The following RIC1 variants were observed in gnomAD, a reference collection of about 807,000 sequenced individuals.
The protein encoded by RIC1 is RIC1 partner of RAB6A GEF complex, also known as guanine nucleotide exchange factor subunit RIC1.
RIC1 carries 88 observed loss-of-function variants against 169.0 expected under a neutral mutation model. The observed-to-expected ratio is 0.52, with a 90% CI of 0.44 to 0.62. RIC1 has a LOEUF of 0.62. RIC1 is among the 20% of genes least tolerant of loss of function. The pLI is 0.00. For missense variants in RIC1, 1,877 were observed against 1,725.5 expected (o/e 1.09, Z -1.56); for synonymous variants, 790 against 601.5 (o/e 1.31, Z -4.59).
intron 8 of RIC1, among the ~76,000 whole-genome samples, chr9:5,742,429 G>C (rs1479363480): frequency 6.6e-6 from 1 of 152,030 alleles, no homozygotes; most frequent in African/African-American, 2.4e-5. Flanking sequence ...GTCATTTGCT[G>C]TACTTCCAGA....
chr9:5,763,096 G>T lies in RIC1; in HGVS notation c.2113-44G>T, dbSNP rs1164146610. On this transcript the variant is annotated intron_variant, in intron 18 of 25. Transcript: ENST00000414202. The surrounding 1 kb of genome is among the most constrained non-coding windows in gnomAD (Gnocchi z 5.2). The stretch of plus-strand genomic sequence containing the variant: ...GTACCTAGGAACTTAAGAACCTGCA[G>T]ATTTAATAGGAAAACAACTTGATTC... 6.3e-7 allele frequency: 1 copy of T among 1,587,584 alleles called. No individual in the cohort carries two copies. Among genetic ancestry groups the T allele is most frequent in the Non-Finnish European group, 8.6e-7 (1 of 1,166,392 alleles).
Position 5,769,215 on chromosome 9 carries a change from C to T in RIC1, c.3383C>T (p.Ser1128Phe). Residue 1128 changes from serine to phenylalanine, a missense_variant, in exon 22 of 26, where the codon TCT becomes TTT. By Grantham distance (155) the Ser-to-Phe change is radical. This residue lies in a region of RIC1 where 681 missense variants were observed against 582.0 expected (regional missense o/e 1.17). Coordinates refer to ENST00000414202, the MANE Select transcript of RIC1 (RefSeq NM_020829.4). ...TGGCCACTTCCAATCATCCCAGCCT[C>T]TTCTATCAGTTCTCCTTTCAAAAAT... ...FLWPLPIIPA[S>F]SISSPFKNGK... 6.2e-7 allele frequency: 1 copy of T among 1,614,138 alleles called. No homozygotes were observed. Among genetic ancestry groups the T allele is most frequent in the Non-Finnish European group, 8.5e-7 (1 of 1,179,984 alleles).
At chr9:5,632,804 T>C (rs1168876558) in intron 1 of RIC1, among the ~76,000 whole-genome samples, 2 of 152,170 alleles carry the variant, frequency 1.3e-5, no homozygotes, top group African/African-American at 4.8e-5. Context: ...CCCAGAATTA[T>C]TCCTTTAATA....
chr9:5,718,517 G>A (rs1335616646), intron 4 of RIC1, among the ~76,000 whole-genome samples: 2 of 152,140 alleles, frequency 1.3e-5, no homozygotes, highest in African/African-American at 4.8e-5. Flanking sequence ...AAAGAAAGAT[G>A]ACAGCTGCCT....
chr9:5,758,815 G>A (rs892305038), intron 17 of RIC1, among the ~76,000 whole-genome samples: 1 of 147,680 alleles, frequency 6.8e-6, no homozygotes, highest in African/African-American at 2.5e-5. Context: ...TGCAATCTTG[G>A]CTCAGTGCAA....
intron 2 of RIC1, among the ~76,000 whole-genome samples, chr9:5,668,741 A>T (rs528294605): frequency 3.1e-4 from 47 of 152,096 alleles, no homozygotes; most frequent in African/African-American, 1.7e-4. Context: ...TTTAAAAAAA[A>T]TTTTCCCTTT....
At chr9:5,720,520 T>G in intron 5 of RIC1, 94 bp from the exon 6 acceptor site, 1 of 1,302,320 alleles carries the variant, frequency 7.7e-7, no homozygotes, top group East Asian at 2.4e-5. Flanking sequence ...TCATTATTTT[T>G]ACCCTTTTAA....
Position 5,681,348 on chromosome 9 carries a change from TC to T in RIC1, c.253-8610del, listed in dbSNP as rs1820825722. ...ACTGCTTTGAATGTGTCCCAGAGAT[TC>T]TGGTTATGTTGTGTCTTTGTTCTCG... On this transcript the variant is annotated intron_variant, in intron 2 of 25. Transcript: ENST00000414202. Among the ~76,000 whole-genome samples, 4 of 152,180 alleles carry T rather than the reference TC, an allele frequency of 2.6e-5. No homozygotes were observed. The South Asian group carries it at 8.3e-4, about 32-fold the overall frequency.
At chr9:5,646,916 T>G (rs1243288803) in intron 1 of RIC1, among the ~76,000 whole-genome samples, 1 of 152,220 alleles carries the variant, frequency 6.6e-6, no homozygotes, top group African/African-American at 2.4e-5. Flanking sequence ...GGCTTGTGTT[T>G]TCTTCTAAGA....
intron 2 of RIC1, among the ~76,000 whole-genome samples, chr9:5,682,083 G>C (rs927408416): frequency 1.3e-5 from 2 of 152,190 alleles, no homozygotes; most frequent in Admixed American, 1.3e-4. Flanking sequence ...CCTGAATACA[G>C]CACACTGATG....
downstream of RIC1, among the ~76,000 whole-genome samples, chr9:5,776,906 G>C (rs1356746777): frequency 6.6e-6 from 1 of 152,076 alleles, no homozygotes; most frequent in Non-Finnish European, 1.5e-5. Flanking sequence ...GGATTAAAAA[G>C]TACTTTGACT....
At chr9:5,635,416 A>G (rs896957032) in intron 1 of RIC1, among the ~76,000 whole-genome samples, 1 of 152,164 alleles carries the variant, frequency 6.6e-6, no homozygotes, top group African/African-American at 2.4e-5. Flanking sequence ...TTTTTCTAAC[A>G]CTATGGTGTT....
In RIC1 at chr9:5,774,529, T is replaced by C; in HGVS notation, c.*283T>C. 4.1e-6 allele frequency: 1 copy of C among 244,622 alleles called. No homozygotes were observed. Among genetic ancestry groups the C allele is most frequent in the Non-Finnish European group, 7.8e-6 (1 of 128,296 alleles). 15.2% of individuals were successfully genotyped at this position (244,622 alleles called of 1,614,324 possible). A position where few individuals can be genotyped will look rare whatever the true frequency, so the allele number is the denominator to read the frequency against. On this transcript the variant is annotated 3_prime_UTR_variant, in exon 26 of 26. Coordinates refer to ENST00000414202, the MANE Select transcript of RIC1 (RefSeq NM_020829.4). ...GGTTTTACTCAAAGGTTGGTAGCTC[T>C]TAAACCACAGGAATTGTTTTGCCCC...
rs990037153 is a variant in RIC1, at chr9:5,729,021, C to T, written c.721-3367C>T. Reference sequence around the variant, plus strand: ...ATACCCTTCCCTCTGTCCCTCCCTTCTGCTCCCCTCTCCCCTCTCTGTCTC... The same window carrying T: ...ATACCCTTCCCTCTGTCCCTCCCTTTTGCTCCCCTCTCCCCTCTCTGTCTC... On this transcript the variant is annotated intron_variant, in intron 6 of 25. Coordinates refer to ENST00000414202, the MANE Select transcript of RIC1 (RefSeq NM_020829.4). Among the ~76,000 whole-genome samples, 48 of 152,176 alleles carry T rather than the reference C, an allele frequency of 3.2e-4. 1 individual carries two copies. Among genetic ancestry groups the T allele is most frequent in the Admixed American group, 2.8e-3 (42 of 15,272 alleles).
intron 3 of RIC1, chr9:5,713,037 C>T (rs1823026516): frequency 6.6e-6 from 1 of 152,098 alleles, no homozygotes; most frequent in Non-Finnish European, 1.5e-5. Flanking sequence ...TTTCCCAAAG[C>T]CAGGAACTTT....
At chr9:5,724,837 C>G (rs1328483795) in intron 6 of RIC1, among the ~76,000 whole-genome samples, 1 of 152,136 alleles carries the variant, frequency 6.6e-6, no homozygotes, top group African/African-American at 2.4e-5. Context: ...GTCTTTGGTT[C>G]TGTTTATATG....
At chr9:5,655,440 A>G (rs1034894921) in intron 1 of RIC1, among the ~76,000 whole-genome samples, 1 of 152,070 alleles carries the variant, frequency 6.6e-6, no homozygotes, top group Non-Finnish European at 1.5e-5. Flanking sequence ...AGCTGGCATT[A>G]TAGGCGCCTG....
intron 3 of RIC1, among the ~76,000 whole-genome samples, chr9:5,706,827 C>G (rs573707476): frequency 2.0e-5 from 3 of 152,044 alleles, no homozygotes; most frequent in East Asian, 3.8e-4. Flanking sequence ...ATAAAGTCTT[C>G]TTTTTCCTTA....
At position 5,654,090 on chromosome 9, in the gene RIC1, C is replaced by A. The variant is rs569681756; in HGVS notation, c.145-2493C>A. Among the ~76,000 whole-genome samples, 6 of 152,306 alleles carry A rather than the reference C, an allele frequency of 3.9e-5. No individual in the cohort carries two copies. The South Asian group carries it at 1.0e-3, about 26-fold the overall frequency. On this transcript the variant is annotated intron_variant, in intron 1 of 25. Transcript: ENST00000414202. ...TCTCAGCTCACTGCAACCTCTGCCT[C>A]CCAGGCTCGAGCAATCTCCCACTTC...
Sources: gnomAD v4.1 joint callset for allele counts (sites outside exome capture counted in the v4.1 genomes callset) on GRCh38, gnomAD v4.1.1 for gene constraint, gnomAD v4.1.1 regional missense constraint, Gnocchi (gnomAD v3.1) non-coding constraint, MANE v1.5 for transcripts, NCBI Gene and HGNC (gene_info 2026-07-23, HGNC 2026-07-21) for gene names.